Variants in CFAP99 observed in about 807,000 individuals in gnomAD.
The protein encoded by CFAP99 is cilia- and flagella-associated protein 99.
Under a neutral mutation model 82.7 loss-of-function variants are expected in CFAP99, and 84 were observed. That is an observed-to-expected ratio of 1.02 (90% CI 0.85 to 1.22). The LOEUF (loss-of-function observed/expected upper bound fraction) is 1.22. CFAP99 is among the 50% of genes most tolerant of loss of function. CFAP99 has a pLI of 0.00. For missense variants in CFAP99, 1,059 were observed against 983.5 expected (o/e 1.08, Z -1.03); for synonymous variants, 456 against 429.5 (o/e 1.06, Z -0.76).
chr4:2,452,095 T>C (rs1349883820), intron 10 of CFAP99, 47 bp from the exon 11 acceptor site: 2 of 1,525,324 alleles, frequency 1.3e-6, no homozygotes, highest in Non-Finnish European at 1.8e-6. Flanking sequence ...CAGCAGCCTC[T>C]GTCACGGGAG....
chr4:2,443,586 T>G (rs893156482), intron 5 of CFAP99, among the ~76,000 whole-genome samples: 1 of 152,188 alleles, frequency 6.6e-6, no homozygotes, highest in Non-Finnish European at 1.5e-5. Flanking sequence ...ACATGCTGGC[T>G]GGGGCTGCGT....
At chr4:2,421,768 T>C (rs1733590313) in intron 1 of CFAP99, among the ~76,000 whole-genome samples, 1 of 151,696 alleles carries the variant, frequency 6.6e-6, no homozygotes, top group Admixed American at 6.6e-5. Context: ...ACTTCCCACA[T>C]AGATGGTACT....
Position 2,446,601 on chromosome 4 carries a change from C to T in CFAP99, c.642+1293C>T, listed in dbSNP as rs547196526. Among the ~76,000 whole-genome samples the T allele has an allele frequency of 2.6e-4, 39 of 152,142 alleles. No individual in the cohort carries two copies. Among genetic ancestry groups the T allele is most frequent in the Admixed American group, 2.1e-3 (32 of 15,272 alleles). ...AGAGGTAGGGTTTTGTCATGTTGGC[C>T]GGGCTGGTCCCTAACTGACCTCAGG... is the stretch of plus-strand genomic sequence containing the variant. On this transcript the variant is annotated intron_variant, in intron 6 of 14. Transcript: ENST00000635017. The surrounding 1 kb of genome is among the most constrained non-coding windows in gnomAD (Gnocchi z 5.0).
At chr4:2,447,816 GGAT>G (rs1734203753) in intron 6 of CFAP99, among the ~76,000 whole-genome samples, 1 of 148,044 alleles carries the variant, frequency 6.8e-6, no homozygotes. Context: ...ATTAATGGAT[GGAT>G]GGGTGGGTGG....
chr4:2,428,305 T>G (rs1733726513), intron 2 of CFAP99: 1 of 152,382 alleles, frequency 6.6e-6, no homozygotes. Context: ...CAAGAGCAGC[T>G]CCAGCAGCTC....
intron 11 of CFAP99, among the ~76,000 whole-genome samples, chr4:2,454,531 C>T (rs370342735): frequency 0.15 from 22,909 of 150,026 alleles, 1,963 homozygotes; most frequent in South Asian, 0.26. Flanking sequence ...CTGGTAAGAA[C>T]ACTTACAATC....
intron 1 of CFAP99, among the ~76,000 whole-genome samples, chr4:2,423,257 C>T (rs189741522): frequency 1.0e-3 from 155 of 152,358 alleles, no homozygotes; most frequent in Admixed American, 2.0e-3. Context: ...TTGGCCACCA[C>T]GCCCACACTG....
At chr4:2,427,606 A>C (rs1327751465) in intron 2 of CFAP99, 1 of 152,430 alleles carries the variant, frequency 6.6e-6, no homozygotes, top group Admixed American at 6.5e-5. Flanking sequence ...GCTCTGGATG[A>C]ACTTGGCCTA....
At chr4:2,459,365 A>C (rs971018808) in intron 13 of CFAP99, 107 bp downstream of exon 13, 12 of 1,277,816 alleles carry the variant, frequency 9.4e-6, no homozygotes, top group Non-Finnish European at 1.3e-5. Flanking sequence ...TGGGTCTTGC[A>C]CCACCTGAAA....
In CFAP99 at chr4:2,423,967, G is replaced by A. The variant is rs535056916; in HGVS notation, c.-17-2492G>A. ...CTGGCTGTGCCAGAGGCTCATGCTC[G>A]CTTTGTTCTGGGAGGCCTGGTCTCC... On this transcript the variant is annotated intron_variant, in intron 1 of 14. Transcript: ENST00000635017. 2.2e-3 allele frequency among the ~76,000 whole-genome samples: 328 copies of A among 152,344 alleles called. 3 individuals carry two copies. Among genetic ancestry groups the A allele is most frequent in the African/African-American group, 7.7e-3 (321 of 41,592 alleles).
intron 10 of CFAP99, 96 bp downstream of exon 10, chr4:2,451,448 A>T: frequency 8.4e-7 from 1 of 1,190,204 alleles, no homozygotes; most frequent in Non-Finnish European, 1.2e-6. Flanking sequence ...AGCTCAGTGG[A>T]GAGGGACTCG....
intron 13 of CFAP99, 148 bp from the exon 14 acceptor site, chr4:2,459,889 G>C: frequency 1.4e-6 from 1 of 699,942 alleles, no homozygotes; most frequent in South Asian, 1.7e-5. Flanking sequence ...GCCCAGGCTG[G>C]AGAGGCTGGG....
At chr4:2,442,979 G>A (rs1320910547) in intron 4 of CFAP99, 151 bp from the exon 5 acceptor site, 6 of 399,500 alleles carry the variant, frequency 1.5e-5, no homozygotes, top group Non-Finnish European at 2.7e-5. Flanking sequence ...TGGGGGCAGG[G>A]AGCTCACTGG....
chr4:2,449,560 C>A, intron 6 of CFAP99, 110 bp from the exon 7 acceptor site: 1 of 976,856 alleles, frequency 1.0e-6, no homozygotes, highest in Non-Finnish European at 1.5e-6. Flanking sequence ...TGCAGGCCGC[C>A]ACCACCCTCC....
intron 1 of CFAP99, among the ~76,000 whole-genome samples, chr4:2,422,561 A>G (rs1733605983): frequency 6.6e-6 from 1 of 152,064 alleles, no homozygotes. Flanking sequence ...CGGCAGGGAA[A>G]CTGTTCCACC....
At chr4:2,435,228 C>T (rs1733882523) in intron 2 of CFAP99, among the ~76,000 whole-genome samples, 3 of 146,758 alleles carry the variant, frequency 2.0e-5, no homozygotes, top group Non-Finnish European at 4.5e-5. Flanking sequence ...ACCCAGGAGG[C>T]GGAGGTTGCA....
chr4:2,457,205 C>A (rs1333675353), intron 11 of CFAP99, among the ~76,000 whole-genome samples: 1 of 152,096 alleles, frequency 6.6e-6, no homozygotes, highest in African/African-American at 2.4e-5. Context: ...AGCTTCCCCA[C>A]GCGCTGGGAT....
intron 2 of CFAP99, among the ~76,000 whole-genome samples, chr4:2,433,578 C>T (rs1383867399): frequency 6.6e-6 from 1 of 152,204 alleles, no homozygotes; most frequent in Non-Finnish European, 1.5e-5. Flanking sequence ...CCTCACCCAC[C>T]GAGCCCCCTC....
At chr4:2,420,232 C>T (rs1733542479) in intron 1 of CFAP99, among the ~76,000 whole-genome samples, 1 of 152,058 alleles carries the variant, frequency 6.6e-6, no homozygotes, top group Admixed American at 6.6e-5. Context: ...CACTCCCTCC[C>T]TGGGGGATTT....
Sources: gnomAD v4.1 joint callset for allele counts (sites outside exome capture counted in the v4.1 genomes callset) on GRCh38, gnomAD v4.1.1 for gene constraint, Gnocchi (gnomAD v3.1) non-coding constraint, MANE v1.5 for transcripts, NCBI Gene and HGNC (gene_info 2026-07-23, HGNC 2026-07-21) for gene names.